The following CAMK1D variants were observed in gnomAD, a reference collection of about 807,000 sequenced individuals.
CAMK1D encodes the protein calcium/calmodulin-dependent protein kinase type 1D.
In CAMK1D, 9 loss-of-function variants were observed where a neutral mutation model predicts 47.7. That is an observed-to-expected ratio of 0.19 (90% CI 0.11 to 0.33). CAMK1D has a LOEUF of 0.33. CAMK1D is among the 10% of genes least tolerant of loss of function. CAMK1D has a pLI of 1.00. For synonymous variants in CAMK1D, 184 were observed against 184.9 expected (o/e 0.99, Z 0.04); for missense variants, 291 against 488.7 (o/e 0.60, Z 3.81).
At chr10:12,563,704 A>C (rs984531561) in intron 2 of CAMK1D, among the ~76,000 whole-genome samples, 10 of 150,682 alleles carry the variant, frequency 6.6e-5, no homozygotes, top group Admixed American at 1.3e-4. Context: ...AGAGAGGGAG[A>C]GAGAGGGAGA....
intron 1 of CAMK1D, among the ~76,000 whole-genome samples, chr10:12,547,690 A>T (rs1454476912): frequency 8.8e-6 from 1 of 113,562 alleles, no homozygotes; most frequent in Non-Finnish European, 1.6e-5. Context: ...TCTCACACAC[A>T]CACACACACA....
At chr10:12,580,457 G>A (rs948655623) in intron 2 of CAMK1D, among the ~76,000 whole-genome samples, 10 of 150,228 alleles carry the variant, frequency 6.7e-5, no homozygotes, top group Non-Finnish European at 1.0e-4. Flanking sequence ...TGCAATTGTT[G>A]AATTAGCTAC....
chr10:12,715,943 C>T (rs1834116806), intron 3 of CAMK1D, among the ~76,000 whole-genome samples: 1 of 151,988 alleles, frequency 6.6e-6, no homozygotes. Flanking sequence ...CTCCTAACCT[C>T]AAGTGATCCA....
chr10:12,400,099 A>G (rs1169505041), intron 1 of CAMK1D, among the ~76,000 whole-genome samples: 1 of 152,090 alleles, frequency 6.6e-6, no homozygotes, highest in East Asian at 1.9e-4. Flanking sequence ...ACGCGATGGG[A>G]TGTCATTTGC....
At chr10:12,734,391 G>GAT (rs1232057007) in intron 3 of CAMK1D, among the ~76,000 whole-genome samples, 2 of 24,342 alleles carry the variant, frequency 8.2e-5, no homozygotes, top group African/African-American at 3.1e-4. Flanking sequence ...TATAGATATA[G>GAT]ATATATATAT....
At chr10:12,426,262 T>C (rs116691262) in intron 1 of CAMK1D, among the ~76,000 whole-genome samples, 1,693 of 152,322 alleles carry the variant, frequency 0.011, 23 homozygotes, top group African/African-American at 0.039. Context: ...CTTTTTCTTT[T>C]TGAGATGGAG....
chr10:12,443,991 GC>G (rs886599405), intron 1 of CAMK1D, among the ~76,000 whole-genome samples: 1 of 152,060 alleles, frequency 6.6e-6, no homozygotes, highest in Non-Finnish European at 1.5e-5. Flanking sequence ...GATTATTCAT[GC>G]CCCCCCTTTT....
chr10:12,403,316 C>T (rs953571938), intron 1 of CAMK1D, among the ~76,000 whole-genome samples: 43 of 152,198 alleles, frequency 2.8e-4, no homozygotes, highest in African/African-American at 1.0e-3. Flanking sequence ...CTTAGAACAC[C>T]GGTTCTGGTT....
At chr10:12,487,973 C>T (rs1241255169) in intron 1 of CAMK1D, among the ~76,000 whole-genome samples, 1 of 152,200 alleles carries the variant, frequency 6.6e-6, no homozygotes, top group African/African-American at 2.4e-5. Context: ...AGCAACTTCA[C>T]TTGATGAACA....
intron 3 of CAMK1D, among the ~76,000 whole-genome samples, chr10:12,728,110 T>G (rs1213361224): frequency 6.6e-6 from 1 of 152,226 alleles, no homozygotes; most frequent in African/African-American, 2.4e-5. Context: ...AAGGCTTCCC[T>G]GTGAGTAAAA....
intron 3 of CAMK1D, among the ~76,000 whole-genome samples, chr10:12,691,838 A>G (rs1439427333): frequency 6.6e-6 from 1 of 152,132 alleles, no homozygotes; most frequent in Non-Finnish European, 1.5e-5. Flanking sequence ...TGAATAACCA[A>G]TCAACACTTA....
chr10:12,598,103 A>G (rs1838197834), intron 2 of CAMK1D, among the ~76,000 whole-genome samples: 1 of 152,272 alleles, frequency 6.6e-6, no homozygotes, highest in African/African-American at 2.4e-5. Context: ...TTTGTTTGGT[A>G]AAAGATAATC....
At chr10:12,440,368 T>C (rs1173236738) in intron 1 of CAMK1D, among the ~76,000 whole-genome samples, 1 of 151,306 alleles carries the variant, frequency 6.6e-6, no homozygotes, top group African/African-American at 2.4e-5. Flanking sequence ...CACTACAGCC[T>C]CCGCCTTCCG....
chr10:12,440,783 C>A (rs779574224), intron 1 of CAMK1D, among the ~76,000 whole-genome samples: 4 of 152,188 alleles, frequency 2.6e-5, no homozygotes, highest in South Asian at 2.1e-4. Context: ...GCTTCATAAT[C>A]AAAAATGATC....
intron 2 of CAMK1D, among the ~76,000 whole-genome samples, chr10:12,627,953 C>A (rs1839269966): frequency 6.6e-6 from 1 of 152,026 alleles, no homozygotes; most frequent in Admixed American, 6.6e-5. Context: ...TGGTGGCGCA[C>A]ACCTGTAATC....
chr10:12,507,374 T>C (rs566257687), intron 1 of CAMK1D, among the ~76,000 whole-genome samples: 1 of 152,146 alleles, frequency 6.6e-6, no homozygotes, highest in Non-Finnish European at 1.5e-5. Flanking sequence ...AACAGGGAAC[T>C]GGCCAGCAGC....
At chr10:12,523,443 A>C (rs1371761462) in intron 1 of CAMK1D, among the ~76,000 whole-genome samples, 1 of 152,236 alleles carries the variant, frequency 6.6e-6, no homozygotes, top group Admixed American at 6.5e-5. Context: ...ACTGCACTCC[A>C]GCCTGGGCAC....
chr10:12,727,280 C>CA (rs1255126843), intron 3 of CAMK1D, among the ~76,000 whole-genome samples: 1 of 152,194 alleles, frequency 6.6e-6, no homozygotes, highest in African/African-American at 2.4e-5. Flanking sequence ...GGTTATGACT[C>CA]AGAGACATCA....
intron 3 of CAMK1D, among the ~76,000 whole-genome samples, chr10:12,672,225 A>C (rs1840645768): frequency 6.6e-6 from 1 of 151,284 alleles, no homozygotes; most frequent in Admixed American, 6.6e-5. Context: ...ACTGTCACCT[A>C]ATTCTTAATG....
Sources: gnomAD v4.1 joint callset for allele counts (sites outside exome capture counted in the v4.1 genomes callset) on GRCh38, gnomAD v4.1.1 for gene constraint, MANE v1.5 for transcripts, NCBI Gene and HGNC (gene_info 2026-07-23, HGNC 2026-07-21) for gene names.